The following NRXN2 variants were observed in gnomAD, a reference collection of about 807,000 sequenced individuals.
NRXN2 encodes the protein neurexin-2-beta.
NRXN2 carries 29 observed loss-of-function variants against 128.8 expected under a neutral mutation model. The ratio of observed to expected loss-of-function variants is 0.23; its 90% CI spans 0.17 to 0.31. The LOEUF (loss-of-function observed/expected upper bound fraction) is 0.31, where lower values mean the gene tolerates loss of function less well. NRXN2 is among the 10% of genes least tolerant of loss of function. The probability of loss-of-function intolerance (pLI) is 1.00; values close to 1 mark genes in which losing one functional copy is unlikely to be tolerated. For missense variants in NRXN2, 1,881 were observed against 2,452.6 expected, an observed-to-expected ratio of 0.77 and a Z score of 4.92; for synonymous variants, 1,098 against 1,075.2, an observed-to-expected ratio of 1.02 and a Z score of -0.41.
chr11:64,650,055 C>T (rs1380929497), intron 15 of NRXN2, among the ~76,000 whole-genome samples: 1 of 152,106 alleles, frequency 6.6e-6, no homozygotes, highest in Non-Finnish European at 1.5e-5. Flanking sequence ...CCTGCTACGT[C>T]CTCTGCCCCA....
At position 64,660,233 on chromosome 11, in the gene NRXN2, C is replaced by G. The variant is rs931275259; in HGVS notation, c.2389+99G>C. On this transcript the variant is annotated intron_variant, in intron 11 of 22. Coordinates refer to ENST00000265459, the MANE Select transcript of NRXN2 (RefSeq NM_015080.4). This position sits in a 1 kb window ranked among gnomAD's most constrained non-coding sequence, Gnocchi z 5.2. ...CACCTCCAAACTCTGCTGAGGGCAC[C>G]TCTTGCTGGTGCCACCACCAGCTTC... The G allele has an allele frequency of 2.9e-6, 4 of 1,380,470 alleles. No homozygotes were observed. Among genetic ancestry groups the G allele is most frequent in the African/African-American group, 1.4e-5 (1 of 70,336 alleles). 85.5% of individuals were successfully genotyped at this position (1,380,470 alleles called of 1,614,324 possible). A position where few individuals can be genotyped will look rare whatever the true frequency, so the allele number is the denominator to read the frequency against.
At chr11:64,691,667 C>T (rs2053822989) in intron 4 of NRXN2, among the ~76,000 whole-genome samples, 1 of 152,178 alleles carries the variant, frequency 6.6e-6, no homozygotes, top group South Asian at 2.1e-4. Context: ...TAGAACCAGG[C>T]ACTGAGAGGC....
In NRXN2 at chr11:64,631,289, T is replaced by G. The variant is rs1164404824; in HGVS notation, c.3586-716A>C. Among the ~76,000 whole-genome samples the G allele has an allele frequency of 8.9e-6, 1 of 111,842 alleles. No homozygotes were observed. The highest frequency in any genetic ancestry group is 1.8e-5 in the Non-Finnish European group (1 of 54,058). 73.4% of individuals were successfully genotyped at this position (111,842 alleles called of 152,430 possible). A position where few individuals can be genotyped will look rare whatever the true frequency, so the allele number is the denominator to read the frequency against. ...ACCAAGAAAGGGGATCGTGGGGGTT[T>G]CGGGGTAGGGGGTGGAGCTAGGGGC... is the stretch of plus-strand genomic sequence containing the variant. On this transcript the variant is annotated intron_variant, in intron 18 of 22. Coordinates refer to ENST00000265459, the MANE Select transcript of NRXN2 (RefSeq NM_015080.4). The surrounding 1 kb of genome is among the most constrained non-coding windows in gnomAD (Gnocchi z 4.8).
In NRXN2 at chr11:64,713,767, G is replaced by C; in HGVS notation, c.-68C>G. 2 of 874,920 alleles carry C rather than the reference G, an allele frequency of 2.3e-6. No homozygotes were observed. Among genetic ancestry groups the C allele is most frequent in the Non-Finnish European group, 2.8e-6 (2 of 722,730 alleles). 54.2% of individuals were successfully genotyped at this position (874,920 alleles called of 1,614,324 possible). On this transcript the variant is annotated 5_prime_UTR_variant, in exon 2 of 23. Coordinates refer to ENST00000265459, the MANE Select transcript of NRXN2 (RefSeq NM_015080.4). The stretch of plus-strand genomic sequence containing the variant: ...CAGGCTTCAGAGCCGCGGGCGCATG[G>C]GGCGGGAGGGGGCCGGGCGCTCCCC...
intron 22 of NRXN2, among the ~76,000 whole-genome samples, chr11:64,616,588 T>C (rs919692580): frequency 5.3e-5 from 8 of 152,220 alleles, no homozygotes; most frequent in African/African-American, 1.7e-4. Context: ...TGTCACAAGG[T>C]ATATGTCTCA....
intron 6 of NRXN2, among the ~76,000 whole-genome samples, chr11:64,678,032 T>C (rs2135543072): frequency 6.6e-6 from 1 of 152,282 alleles, no homozygotes; most frequent in South Asian, 2.1e-4. Flanking sequence ...TGCCTGCTTT[T>C]CCTGGGGATG....
chr11:64,712,593 C>T, intron 2 of NRXN2: 1 of 411,458 alleles, frequency 2.4e-6, no homozygotes, highest in South Asian at 1.9e-5. Flanking sequence ...CTTTAATGGG[C>T]CCTGTCCACG....
Position 64,660,991 on chromosome 11 carries a change from T to C in NRXN2, c.1947A>G (p.Ala649=). The C allele has an allele frequency of 6.2e-7, 1 of 1,613,716 alleles. No homozygotes were observed. Among genetic ancestry groups the C allele is most frequent in the African/African-American group, 1.3e-5 (1 of 75,002 alleles). The change falls in exon 10 of 23, where the codon GCA becomes GCG. Residue 649 remains alanine, a synonymous_variant. Coordinates refer to ENST00000265459, the MANE Select transcript of NRXN2 (RefSeq NM_015080.4). This position sits in a 1 kb window ranked among gnomAD's most constrained non-coding sequence, Gnocchi z 5.2. ...LPLPPEVWTA[A]LRAGYVGCVR... ...CACAGCCCACGTAGCCTGCCCGGAG[T>C]GCTGCTGTCCACACCTCTGGGGGCA...
In NRXN2 at chr11:64,622,777, G is replaced by A. The variant is rs140652252; in HGVS notation, c.4149C>T (p.Pro1383=). The change falls in exon 21 of 23, where the codon CCC becomes CCT. Residue 1383 remains proline (P), a synonymous_variant. Coordinates refer to ENST00000265459, the MANE Select transcript of NRXN2 (RefSeq NM_015080.4). The surrounding 1 kb of genome is among the most constrained non-coding windows in gnomAD (Gnocchi z 4.3). ...ATTTTRRGRS[P]TLRDSTTQNT... is the part of the protein sequence containing the mutation. ...CCTGGGTGGTGCTGTCCCTCAGTGT[G>A]GGGGAGCGGCCCCGGCGCGTGGTGG... 1.4e-4 allele frequency: 222 copies of A among 1,610,658 alleles called. No homozygotes were observed. In the African/African-American group the frequency reaches 2.1e-3, roughly 15 times the overall value.
chr11:64,681,774 TAGG>T (rs1463662890), intron 6 of NRXN2, among the ~76,000 whole-genome samples: 3 of 151,060 alleles, frequency 2.0e-5, no homozygotes, highest in Non-Finnish European at 4.4e-5. Context: ...GTGGTATCTG[TAGG>T]AGAACTGTGA....
intron 17 of NRXN2, chr11:64,643,119 G>C (rs1269166068): frequency 1.0e-6 from 1 of 984,874 alleles, no homozygotes; most frequent in Non-Finnish European, 1.2e-6. Context: ...AGCGCCCGGG[G>C]GAGGGGGCAT....
chr11:64,711,105 GACTTCCCAC>G (rs2056841956), intron 2 of NRXN2, among the ~76,000 whole-genome samples: 1 of 152,162 alleles, frequency 6.6e-6, no homozygotes, highest in South Asian at 2.1e-4. Context: ...CCCAAGTGCA[GACTTCCCAC>G]ACCCAGGGCC....
chr11:64,654,547 C>T (rs746899819), intron 11 of NRXN2, among the ~76,000 whole-genome samples: 3 of 152,188 alleles, frequency 2.0e-5, no homozygotes, highest in East Asian at 1.9e-4. Flanking sequence ...CCTGGCATTG[C>T]TATCCTCTGA....
At chr11:64,658,579 C>T (rs541137741) in intron 11 of NRXN2, among the ~76,000 whole-genome samples, 2 of 152,274 alleles carry the variant, frequency 1.3e-5, no homozygotes, top group East Asian at 3.9e-4. Flanking sequence ...AAATCTTTGT[C>T]CTAGGAATAC....
In NRXN2 at chr11:64,660,088, A is replaced by AC. The variant is rs879520634; in HGVS notation, c.2389+243dup. ...AGTCACCAGGGAGGACAGTTAGCATACCCCAGATACTCTGGGTCTTGCCCC... is the reference window on the plus strand; with the variant it reads ...AGTCACCAGGGAGGACAGTTAGCATACCCCCAGATACTCTGGGTCTTGCCCC... On this transcript the variant is annotated intron_variant, in intron 11 of 22. Coordinates refer to ENST00000265459, the MANE Select transcript of NRXN2 (RefSeq NM_015080.4). The surrounding 1 kb of genome is among the most constrained non-coding windows in gnomAD (Gnocchi z 5.2). Among the ~76,000 whole-genome samples the AC allele has an allele frequency of 1.3e-5, 2 of 152,212 alleles. No homozygotes were observed. The highest frequency in any genetic ancestry group is 2.9e-5 in the Non-Finnish European group (2 of 68,030).
At chr11:64,695,307 T>G (rs2054348161) in intron 3 of NRXN2, among the ~76,000 whole-genome samples, 1 of 152,112 alleles carries the variant, frequency 6.6e-6, no homozygotes, top group Non-Finnish European at 1.5e-5. Flanking sequence ...GCACTTTATC[T>G]GGCTACTTCT....
At chr11:64,662,834 A>G (rs1025411176) in intron 9 of NRXN2, among the ~76,000 whole-genome samples, 1 of 152,056 alleles carries the variant, frequency 6.6e-6, no homozygotes, top group Non-Finnish European at 1.5e-5. Flanking sequence ...AGTTGAGTTC[A>G]ATCTCTCTCC....
At chr11:64,722,402 C>G (rs2057456825) in intron 1 of NRXN2, among the ~76,000 whole-genome samples, 1 of 151,958 alleles carries the variant, frequency 6.6e-6, no homozygotes, top group Non-Finnish European at 1.5e-5. Flanking sequence ...GCACATTCCC[C>G]TCTGCTCTCT....
intron 11 of NRXN2, among the ~76,000 whole-genome samples, chr11:64,655,118 T>C (rs1265981880): frequency 6.6e-6 from 1 of 152,196 alleles, no homozygotes; most frequent in Non-Finnish European, 1.5e-5. Context: ...CTGCATCCCC[T>C]GGGCCCCTGA....
Sources: allele counts gnomAD v4.1 joint callset (sites outside exome capture counted in the v4.1 genomes callset), GRCh38; gene constraint gnomAD v4.1.1; non-coding constraint Gnocchi (gnomAD v3.1); transcripts MANE v1.5; gene names NCBI Gene and HGNC (gene_info 2026-07-23, HGNC 2026-07-21).